The following VAMP7 variants were observed in gnomAD, a reference collection of about 807,000 sequenced individuals.
VAMP7 encodes the protein vesicle associated membrane protein 7, also known as vesicle-associated membrane protein 7.
Under a neutral mutation model 29.6 loss-of-function variants are expected in VAMP7, and 14 were observed. The ratio of observed to expected loss-of-function variants is 0.47; its 90% confidence interval spans 0.31 to 0.74. VAMP7 has a LOEUF of 0.74. VAMP7 is among the 30% of genes least tolerant of loss of function. VAMP7 has a pLI of 0.05. For missense variants in VAMP7, 223 were observed against 262.4 expected, an observed-to-expected ratio of 0.85 and a Z score of 1.04; for synonymous variants, 95 against 88.1, an observed-to-expected ratio of 1.08 and a Z score of -0.44.
At chrX:155,900,875 G>A (rs2066051910) in intron 5 of VAMP7, among the ~76,000 whole-genome samples, 1 of 152,078 alleles carries the variant, frequency 6.6e-6, no homozygotes, top group South Asian at 2.1e-4. Context: ...TGATTGTACA[G>A]TATTTCACTG....
intron 6 of VAMP7, among the ~76,000 whole-genome samples, chrX:155,931,132 C>T (rs1184492383): frequency 6.6e-6 from 1 of 152,070 alleles, no homozygotes; most frequent in African/African-American, 2.4e-5. Flanking sequence ...TGGGTTGGTT[C>T]CAGGTCTTTG....
intron 5 of VAMP7, among the ~76,000 whole-genome samples, chrX:155,908,235 C>T (rs1260116871): frequency 3.3e-5 from 5 of 152,320 alleles, no homozygotes; most frequent in South Asian, 2.1e-4. Context: ...TGCAGCGAGC[C>T]GAGATCGCGC....
chrX:155,932,601 T>C (rs2066578307), intron 6 of VAMP7, among the ~76,000 whole-genome samples: 1 of 152,158 alleles, frequency 6.6e-6, no homozygotes, highest in South Asian at 2.1e-4. Context: ...TTAAGGAGAT[T>C]TTGGGCTGAG....
At chrX:155,899,040 G>T (rs1432155507) in intron 4 of VAMP7, among the ~76,000 whole-genome samples, 1 of 151,974 alleles carries the variant, frequency 6.6e-6, no homozygotes. Context: ...CCATCCACCT[G>T]TTGCTGGATA....
At chrX:155,929,627 A>G (rs955072061) in intron 6 of VAMP7, among the ~76,000 whole-genome samples, 2 of 152,124 alleles carry the variant, frequency 1.3e-5, no homozygotes, top group African/African-American at 2.4e-5. Context: ...CATTTTAGAT[A>G]TAAGTTTATC....
chrX:155,894,307 T>TTTTG (rs1178799613), intron 2 of VAMP7, among the ~76,000 whole-genome samples: 3 of 150,450 alleles, frequency 2.0e-5, no homozygotes, highest in African/African-American at 7.4e-5. Flanking sequence ...CTTTGTTTTT[T>TTTTG]TTTTTTTTTT....
chrX:155,914,126 G>A (rs1262382011), intron 5 of VAMP7, among the ~76,000 whole-genome samples: 2 of 152,186 alleles, frequency 1.3e-5, no homozygotes, highest in East Asian at 3.9e-4. Context: ...TGTAGCAATT[G>A]TGAATGGGAG....
At chrX:155,918,364 ACTC>A (rs990547165) in intron 5 of VAMP7, among the ~76,000 whole-genome samples, 11 of 151,068 alleles carry the variant, frequency 7.3e-5, no homozygotes, top group African/African-American at 1.5e-4. Flanking sequence ...TGAAAAAAAA[ACTC>A]CTGCAGCTAG....
intron 6 of VAMP7, among the ~76,000 whole-genome samples, chrX:155,934,146 C>T (rs1391143559): frequency 3.3e-5 from 5 of 152,058 alleles, no homozygotes; most frequent in East Asian, 1.9e-4. Context: ...GGAATAAGTG[C>T]GATGTGGTGC....
chrX:155,909,664 C>T (rs1380936417), intron 5 of VAMP7, among the ~76,000 whole-genome samples: 1 of 152,140 alleles, frequency 6.6e-6, no homozygotes, highest in East Asian at 1.9e-4. Flanking sequence ...TTTATTTTCT[C>T]ACATTTCTGG....
intron 7 of VAMP7, among the ~76,000 whole-genome samples, chrX:155,941,669 C>T (rs2066745826): frequency 6.6e-6 from 1 of 151,998 alleles, no homozygotes; most frequent in South Asian, 2.1e-4. Context: ...GAAGGAAACG[C>T]TAGAGTTCAA....
chrX:155,889,207 G>GGTGT (rs937215050), intron 1 of VAMP7, among the ~76,000 whole-genome samples: 1 of 151,008 alleles, frequency 6.6e-6, no homozygotes, highest in Non-Finnish European at 1.5e-5. Context: ...AGCTATCAAT[G>GGTGT]GTGTGTGTGT....
At chrX:155,895,793 C>T (rs1420201693) in intron 3 of VAMP7, 113 bp downstream of exon 3, 4 of 794,014 alleles carry the variant, frequency 5.0e-6, no homozygotes, top group African/African-American at 3.4e-5. Flanking sequence ...CGGTACAGGT[C>T]TGTGGCTTGT....
chrX:155,930,835 T>C (rs1382235160), intron 6 of VAMP7, among the ~76,000 whole-genome samples: 2 of 152,066 alleles, frequency 1.3e-5, no homozygotes, highest in African/African-American at 4.8e-5. Flanking sequence ...ACATTAGGTA[T>C]ATCTCCAAAT....
intron 1 of VAMP7, among the ~76,000 whole-genome samples, chrX:155,887,606 G>A (rs1237675580): frequency 1.3e-5 from 2 of 152,102 alleles, no homozygotes; most frequent in Admixed American, 6.5e-5. Flanking sequence ...AGGCAGAGGA[G>A]CAGAGATAAT....
chrX:155,895,732 G>A, intron 3 of VAMP7, 52 bp downstream of exon 3: 3 of 1,524,080 alleles, frequency 2.0e-6, no homozygotes, highest in Non-Finnish European at 2.7e-6. Flanking sequence ...TGTTAATACA[G>A]CCAGTTCTTA....
intron 6 of VAMP7, among the ~76,000 whole-genome samples, chrX:155,936,341 C>T (rs1306287528): frequency 2.0e-5 from 3 of 152,198 alleles, no homozygotes; most frequent in Non-Finnish European, 4.4e-5. Flanking sequence ...CTGTGGTGGG[C>T]TCCACCCAGT....
At chrX:155,899,925 A>G (rs990179146) in intron 4 of VAMP7, among the ~76,000 whole-genome samples, 2 of 152,134 alleles carry the variant, frequency 1.3e-5, no homozygotes, top group Non-Finnish European at 2.9e-5. Flanking sequence ...AACATTGTGT[A>G]TTAAGCACCC....
At chrX:155,897,759 C>T (rs1458416957) in intron 3 of VAMP7, among the ~76,000 whole-genome samples, 1 of 152,086 alleles carries the variant, frequency 6.6e-6, no homozygotes, top group East Asian at 1.9e-4. Flanking sequence ...ATTTATTAAA[C>T]ATATTCTTGT....
Sources: allele counts gnomAD v4.1 joint callset (sites outside exome capture counted in the v4.1 genomes callset), GRCh38; gene constraint gnomAD v4.1.1; transcripts MANE v1.5; gene names NCBI Gene and HGNC (gene_info 2026-07-23, HGNC 2026-07-21).